The following ZNF678 variants were observed in gnomAD, a reference collection of about 807,000 sequenced individuals.
ZNF678 encodes the protein hypothetical protein MGC42493.
ZNF678 carries 5 observed loss-of-function variants against 3.0 expected under a neutral mutation model. The ratio of observed to expected loss-of-function variants is 1.69; its 90% CI spans 0.88 to 3.56. The LOEUF (loss-of-function observed/expected upper bound fraction) is 3.56. Ranked by LOEUF, ZNF678 falls within the 30% of genes most tolerant of loss-of-function variation. The pLI, the probability that ZNF678 is intolerant of heterozygous loss-of-function variation, is 0.00. For synonymous variants in ZNF678, 218 were observed against 199.6 expected (o/e 1.09, Z -0.78); for missense variants, 593 against 605.0 (o/e 0.98, Z 0.21).
At chr1:227,637,270 A>C (rs1402262072) in intron 1 of ZNF678, among the ~76,000 whole-genome samples, 2 of 152,222 alleles carry the variant, frequency 1.3e-5, no homozygotes, top group Admixed American at 6.5e-5. Context: ...GCTGGTTAGC[A>C]CAGTGCTTTG....
At chr1:227,676,134 T>C (rs562592655) in intron 5 of ZNF678, among the ~76,000 whole-genome samples, 5 of 152,234 alleles carry the variant, frequency 3.3e-5, no homozygotes, top group African/African-American at 1.2e-4. Flanking sequence ...CCCTTAAGAG[T>C]TGATAACCAC....
At chr1:227,675,180 A>G (rs1180836352) in intron 5 of ZNF678, among the ~76,000 whole-genome samples, 1 of 152,146 alleles carries the variant, frequency 6.6e-6, no homozygotes, top group African/African-American at 2.4e-5. Context: ...TAGGGCCAAC[A>G]TGATGGAATT....
downstream of ZNF678, among the ~76,000 whole-genome samples, chr1:227,665,003 A>G (rs897649732): frequency 1.3e-5 from 2 of 152,202 alleles, no homozygotes; most frequent in African/African-American, 4.8e-5. Flanking sequence ...CTGTGACCCT[A>G]GAAGTCATTG....
chr1:227,630,219 C>T (rs1169191542), intron 1 of ZNF678, among the ~76,000 whole-genome samples: 2 of 152,162 alleles, frequency 1.3e-5, no homozygotes, highest in Non-Finnish European at 2.9e-5. Context: ...TGTTCCTTTC[C>T]CTGTGTTATA....
At chr1:227,672,109 G>A (rs1659610414) in intron 5 of ZNF678, among the ~76,000 whole-genome samples, 1 of 152,114 alleles carries the variant, frequency 6.6e-6, no homozygotes, top group South Asian at 2.1e-4. Context: ...CATTGGAAAG[G>A]TAGATTGAAA....
intron 1 of ZNF678, among the ~76,000 whole-genome samples, chr1:227,580,746 T>G (rs1360052615): frequency 1.3e-5 from 2 of 151,978 alleles, no homozygotes; most frequent in Non-Finnish European, 2.9e-5. Flanking sequence ...CCTGACCAAC[T>G]ACTAAAAATA....
chr1:227,668,776 T>G (rs891963726), intron 5 of ZNF678, among the ~76,000 whole-genome samples: 1 of 152,246 alleles, frequency 6.6e-6, no homozygotes, highest in African/African-American at 2.4e-5. Context: ...TTCTTCTGCA[T>G]ATTGCCAGCC....
In ZNF678 at chr1:227,600,976, A is replaced by G. The variant is rs1038567940; in HGVS notation, c.-164+37252A>G. Among the ~76,000 whole-genome samples, 19 of 152,286 alleles carry G rather than the reference A, an allele frequency of 1.2e-4. No individual in the cohort carries two copies. In the East Asian group the frequency reaches 2.5e-3, roughly 20 times the overall value. On this transcript the variant is annotated intron_variant, in intron 1 of 3. Coordinates refer to ENST00000343776, the MANE Select transcript of ZNF678 (RefSeq NM_001367909.1). ...GGTTTAAAGAAGGGGTCCCGTTTCA[A>G]TCTTCTGCATATGGCTAGCCAGTTC...
intron 1 of ZNF678, among the ~76,000 whole-genome samples, chr1:227,620,787 A>C (rs573714420): frequency 6.6e-6 from 1 of 152,358 alleles, no homozygotes; most frequent in South Asian, 2.1e-4. Flanking sequence ...AGTGTGTGGC[A>C]TTATTAGGTT....
intron 1 of ZNF678, among the ~76,000 whole-genome samples, chr1:227,637,633 A>G (rs1190354733): frequency 6.6e-6 from 1 of 152,170 alleles, no homozygotes; most frequent in Admixed American, 6.5e-5. Context: ...GGGGGCCTGA[A>G]ATGAGAGCCT....
intron 1 of ZNF678, among the ~76,000 whole-genome samples, chr1:227,587,312 T>C (rs986438557): frequency 6.6e-6 from 1 of 151,990 alleles, no homozygotes; most frequent in African/African-American, 2.4e-5. Context: ...TCTCTGCTAC[T>C]GAACCAGGAT....
At chr1:227,672,377 G>T (rs1659616367) in intron 5 of ZNF678, among the ~76,000 whole-genome samples, 1 of 152,078 alleles carries the variant, frequency 6.6e-6, no homozygotes. Context: ...AAGACGAAGG[G>T]CCCATAATAA....
intron 1 of ZNF678, among the ~76,000 whole-genome samples, chr1:227,594,325 T>C (rs1022843784): frequency 4.6e-5 from 7 of 152,230 alleles, no homozygotes; most frequent in Non-Finnish European, 8.8e-5. Flanking sequence ...TAATAAAACC[T>C]GATAGACGTA....
intron 1 of ZNF678, among the ~76,000 whole-genome samples, chr1:227,643,863 CT>C (rs554280668): frequency 0.18 from 21,035 of 114,704 alleles, 991 homozygotes; most frequent in East Asian, 0.36. Context: ...CTTTTCTTTT[CT>C]TTTTTTTTTT....
chr1:227,588,800 C>T (rs1022782578), intron 1 of ZNF678, among the ~76,000 whole-genome samples: 1 of 152,052 alleles, frequency 6.6e-6, no homozygotes, highest in Non-Finnish European at 1.5e-5. Flanking sequence ...CCACTGCCCC[C>T]AGACTGTTTT....
chr1:227,616,845 A>G (rs897032434), intron 1 of ZNF678, among the ~76,000 whole-genome samples: 1 of 152,168 alleles, frequency 6.6e-6, no homozygotes, highest in Non-Finnish European at 1.5e-5. Flanking sequence ...CCATGAGGCC[A>G]TAGGTGCCAG....
chr1:227,580,985 T>C (rs1379796944), intron 1 of ZNF678, among the ~76,000 whole-genome samples: 1 of 152,072 alleles, frequency 6.6e-6, no homozygotes, highest in African/African-American at 2.4e-5. Flanking sequence ...GAGTGATACA[T>C]TTAGAGTATG....
At chr1:227,568,219 T>TA (rs1656746688) in intron 1 of ZNF678, among the ~76,000 whole-genome samples, 1 of 152,184 alleles carries the variant, frequency 6.6e-6, no homozygotes, top group Non-Finnish European at 1.5e-5. Context: ...ATGACCCTAC[T>TA]GCTCAGGGTC....
intron 3 of ZNF678, among the ~76,000 whole-genome samples, chr1:227,652,069 TAGTG>T: frequency 6.6e-6 from 1 of 152,234 alleles, no homozygotes; most frequent in East Asian, 1.9e-4. Flanking sequence ...TTGGGAAACC[TAGTG>T]GGGAAGGTAT....
Sources: gnomAD v4.1 joint callset for allele counts (sites outside exome capture counted in the v4.1 genomes callset) on GRCh38, gnomAD v4.1.1 for gene constraint, MANE v1.5 for transcripts, NCBI Gene and HGNC (gene_info 2026-07-23, HGNC 2026-07-21) for gene names.